INO80D: variants seen among roughly 807,000 people sequenced by gnomAD.
INO80D encodes INO80 complex subunit D.
INO80D carries 21 observed loss-of-function variants against 87.6 expected under a neutral mutation model. That is an observed-to-expected ratio of 0.24 (90% CI 0.17 to 0.35). The LOEUF is 0.35. INO80D is among the 10% of genes least tolerant of loss of function. The pLI is 1.00. For missense variants in INO80D, 982 were observed against 1,280.7 expected, an observed-to-expected ratio of 0.77 and a Z score of 3.56; for synonymous variants, 440 against 491.0, an observed-to-expected ratio of 0.90 and a Z score of 1.37.
intron 8 of INO80D, among the ~76,000 whole-genome samples, chr2:206,010,350 T>G (rs1201818804): frequency 6.6e-6 from 1 of 151,914 alleles, no homozygotes; most frequent in East Asian, 1.9e-4. Context: ...ATTGCTGAAG[T>G]ACGTAGAAAA....
In INO80D at chr2:206,005,382, T is replaced by C; in HGVS notation, c.2070A>G (p.Ile690Met). The C allele has an allele frequency of 6.2e-7, 1 of 1,613,992 alleles. No individual in the cohort carries two copies. Among genetic ancestry groups the C allele is most frequent in the African/African-American group, 1.3e-5 (1 of 75,040 alleles). Residue 690 changes from isoleucine (I) to methionine (M), a missense_variant, in exon 11 of 11, where the codon ATA (isoleucine) becomes ATG (methionine). Transcript: ENST00000403263. Reference protein sequence around the residue: ...VPVQELSDRGIGVFSTGTGAS... With the variant: ...VPVQELSDRGMGVFSTGTGAS... The stretch of plus-strand genomic sequence containing the variant: ...CTCCAGTACCTGTGGAGAACACCCC[T>C]ATTCCTCTATCTGACAACTCCTGGA...
At chr2:206,012,878 A>AC (rs1688215513) in intron 8 of INO80D, among the ~76,000 whole-genome samples, 1 of 151,274 alleles carries the variant, frequency 6.6e-6, no homozygotes, top group Non-Finnish European at 1.5e-5. Context: ...AAAAAAAAAA[A>AC]AAAAAAAAAC....
In INO80D at chr2:206,005,366, C is replaced by T. The variant is rs751382056; in HGVS notation, c.2086G>A (p.Gly696Ser). The stretch of plus-strand genomic sequence containing the variant: ...GATTGTATTCCTGAAGCTCCAGTAC[C>T]TGTGGAGAACACCCCTATTCCTCTA... ...SDRGIGVFST[G>S]TGASGIQSLS... Residue 696 changes from glycine to serine, a missense_variant, in exon 11 of 11, where the codon GGT becomes AGT. Transcript: ENST00000403263. 3 of 1,613,880 alleles carry T rather than the reference C, an allele frequency of 1.9e-6. No homozygotes were observed. In the African/African-American group the frequency reaches 4.0e-5, roughly 22 times the overall value.
chr2:206,032,888 G>C (rs1307688678), intron 5 of INO80D, among the ~76,000 whole-genome samples: 1 of 151,972 alleles, frequency 6.6e-6, no homozygotes, highest in Non-Finnish European at 1.5e-5. Context: ...AAATTATACA[G>C]GACCTATAAA....
At chr2:206,082,637 T>C (rs543305236) in intron 1 of INO80D, among the ~76,000 whole-genome samples, 4 of 152,266 alleles carry the variant, frequency 2.6e-5, no homozygotes, top group South Asian at 4.1e-4. Context: ...TATTCAACCA[T>C]TGTTTTACCA....
intron 5 of INO80D, among the ~76,000 whole-genome samples, chr2:206,034,282 C>T (rs1332914800): frequency 6.6e-6 from 1 of 151,840 alleles, no homozygotes; most frequent in Non-Finnish European, 1.5e-5. Flanking sequence ...AAAACCAGGA[C>T]ATAACCAAAA....
chr2:206,076,080 G>T (rs1690108892), intron 1 of INO80D, among the ~76,000 whole-genome samples: 1 of 150,582 alleles, frequency 6.6e-6, no homozygotes, highest in African/African-American at 2.4e-5. Flanking sequence ...CTAGTGTGAG[G>T]CTGGGCACAG....
chr2:206,029,398 G>T (rs2105836244), intron 5 of INO80D, among the ~76,000 whole-genome samples: 1 of 152,226 alleles, frequency 6.6e-6, no homozygotes, highest in East Asian at 1.9e-4. Context: ...GGTTTAAAAG[G>T]CCACTTTTTT....
chr2:206,033,217 C>A (rs1688813229), intron 5 of INO80D, among the ~76,000 whole-genome samples: 1 of 152,076 alleles, frequency 6.6e-6, no homozygotes, highest in Non-Finnish European at 1.5e-5. Flanking sequence ...AAAGTAACAG[C>A]AGTTAAAACA....
At chr2:206,026,502 T>C (rs1342372540) in intron 6 of INO80D, among the ~76,000 whole-genome samples, 1 of 151,466 alleles carries the variant, frequency 6.6e-6, no homozygotes, top group African/African-American at 2.4e-5. Flanking sequence ...GCCAAGATCG[T>C]GCCACTTCAC....
chr2:206,056,194 T>C lies in INO80D; in HGVS notation c.964+4A>G. The C allele has an allele frequency of 6.4e-7, 1 of 1,560,236 alleles. No homozygotes were observed. Among genetic ancestry groups the C allele is most frequent in the Non-Finnish European group, 8.7e-7 (1 of 1,153,882 alleles). On this transcript the variant is annotated splice_donor_region_variant and intron_variant, in intron 4 of 10. Coordinates refer to ENST00000403263, the MANE Select transcript of INO80D (RefSeq NM_017759.5). Reference sequence around the variant, plus strand: ...TCTATGATACGATAAAATAGATAACTCACCTAAATGGGGAAACAGATCAGT... The same window carrying C: ...TCTATGATACGATAAAATAGATAACCCACCTAAATGGGGAAACAGATCAGT...
chr2:206,032,351 G>C (rs1286209617), intron 5 of INO80D, among the ~76,000 whole-genome samples: 1 of 152,206 alleles, frequency 6.6e-6, no homozygotes, highest in Non-Finnish European at 1.5e-5. Context: ...GTGGGGCATG[G>C]TGGGAGTGAA....
chr2:206,001,698 T>C lies in INO80D; in HGVS notation c.*2670A>G, dbSNP rs755283714. On this transcript the variant is annotated 3_prime_UTR_variant, in exon 11 of 11. Coordinates refer to ENST00000403263, the MANE Select transcript of INO80D (RefSeq NM_017759.5). Reference sequence around the variant, plus strand: ...GTTCTCCTCTCTTCCAAAAAGGGACTCATAAGAAACAGCAAGAGCAAAGCA... The same window carrying C: ...GTTCTCCTCTCTTCCAAAAAGGGACCCATAAGAAACAGCAAGAGCAAAGCA... The C allele has an allele frequency of 1.3e-5, 2 of 152,188 alleles. No homozygotes were observed. Among genetic ancestry groups the C allele is most frequent in the Admixed American group, 6.5e-5 (1 of 15,280 alleles). 9.4% of individuals were successfully genotyped at this position (152,188 alleles called of 1,614,324 possible). A position where few individuals can be genotyped will look rare whatever the true frequency, so the allele number is the denominator to read the frequency against.
chr2:206,081,148 C>T (rs1230170679), intron 1 of INO80D, among the ~76,000 whole-genome samples: 2 of 152,022 alleles, frequency 1.3e-5, no homozygotes, highest in South Asian at 2.1e-4. Flanking sequence ...TGTCATTATC[C>T]AAGGTCACAC....
In INO80D at chr2:206,085,628, G is replaced by A. The variant is rs1690435689; in HGVS notation, c.-124+273C>T. 6.7e-6 allele frequency: 1 copy of A among 149,250 alleles called. No homozygotes were observed. Among genetic ancestry groups the A allele is most frequent in the African/African-American group, 2.4e-5 (1 of 41,042 alleles). 9.2% of individuals were successfully genotyped at this position (149,250 alleles called of 1,614,324 possible). ...GCACACCCCCACCTGGCCCGCGCAG[G>A]CCGCTCCGCTCGCCCCACTCCGGCT... On this transcript the variant is annotated intron_variant, in intron 1 of 10. Coordinates refer to ENST00000403263, the MANE Select transcript of INO80D (RefSeq NM_017759.5). This position sits in a 1 kb window ranked among gnomAD's most constrained non-coding sequence, Gnocchi z 4.5.
intron 1 of INO80D, among the ~76,000 whole-genome samples, chr2:206,084,291 T>C (rs1690373748): frequency 6.6e-6 from 1 of 150,856 alleles, no homozygotes; most frequent in South Asian, 2.1e-4. Context: ...ACCAAAGTAG[T>C]TTTGCTAGGT....
intron 5 of INO80D, among the ~76,000 whole-genome samples, chr2:206,043,636 C>T (rs1209562579): frequency 3.9e-5 from 6 of 152,064 alleles, no homozygotes; most frequent in East Asian, 3.9e-4. Context: ...TACAGGCACC[C>T]GCCACCAGGC....
rs73061904 is a variant in INO80D at position 206,011,944 on chromosome 2, T to C, written c.1543-2150A>G. On this transcript the variant is annotated intron_variant, in intron 8 of 10. Transcript: ENST00000403263. ...ACAGGGTAACAGGCAGGTGGAAGAC[T>C]TGTGTGATGAGACAACACATGGTAA... Among the ~76,000 whole-genome samples, 957 of 152,298 alleles carry C rather than the reference T, an allele frequency of 6.3e-3. 10 individuals are homozygous for C. Among genetic ancestry groups the C allele is most frequent in the African/African-American group, 0.022 (917 of 41,568 alleles).
chr2:206,025,906 T>C (rs1284421910), intron 6 of INO80D, among the ~76,000 whole-genome samples: 1 of 150,398 alleles, frequency 6.6e-6, no homozygotes, highest in Non-Finnish European at 1.5e-5. Flanking sequence ...GTTTTGAAAT[T>C]TTTTTTTTTG....
Sources: gnomAD v4.1 joint callset for allele counts (sites outside exome capture counted in the v4.1 genomes callset) on GRCh38, gnomAD v4.1.1 for gene constraint, Gnocchi (gnomAD v3.1) non-coding constraint, MANE v1.5 for transcripts, NCBI Gene and HGNC (gene_info 2026-07-23, HGNC 2026-07-21) for gene names.